GNAQ: variants seen among roughly 807,000 people sequenced by gnomAD.
GNAQ encodes the protein guanine nucleotide-binding protein G(q) subunit alpha.
GNAQ carries 8 observed loss-of-function variants against 43.9 expected under a neutral mutation model. The observed-to-expected ratio is 0.18, with a 90% CI of 0.11 to 0.33. The LOEUF (loss-of-function observed/expected upper bound fraction) is 0.33, where lower values mean the gene tolerates loss of function less well. Among genes scored for constraint, GNAQ ranks in the 10% least tolerant of loss-of-function variants. The pLI is 1.00. For missense variants in GNAQ, 158 were observed against 450.8 expected, an observed-to-expected ratio of 0.35 and a Z score of 5.88; for synonymous variants, 155 against 170.7, an observed-to-expected ratio of 0.91 and a Z score of 0.71.
intron 1 of GNAQ, among the ~76,000 whole-genome samples, chr9:77,979,369 ATT>A (rs1823341630): frequency 1.4e-5 from 2 of 146,108 alleles, no homozygotes; most frequent in South Asian, 2.2e-4. Context: ...AAAAAAAAAA[ATT>A]AAATTAAATT....
chr9:77,837,846 A>AT (rs1202692843), intron 2 of GNAQ, among the ~76,000 whole-genome samples: 57 of 103,194 alleles, frequency 5.5e-4, no homozygotes, highest in Non-Finnish European at 1.0e-3. Flanking sequence ...GAGTGATTTA[A>AT]ATTTTTTTTT....
Position 77,952,234 on chromosome 9 carries a change from A to G in GNAQ, c.137-29889T>C, listed in dbSNP as rs142059210. Among the ~76,000 whole-genome samples the G allele has an allele frequency of 2.6e-5, 4 of 152,354 alleles. No individual in the cohort carries two copies. In the East Asian group the frequency reaches 7.7e-4, roughly 29 times the overall value. On this transcript the variant is annotated intron_variant, in intron 1 of 6. Transcript: ENST00000286548. Reference sequence around the variant, plus strand: ...ACTCAGTTTTTATATTTAAAATAACATTGTTGCTGTTGTTGTTGTTCTAAA... The same window carrying G: ...ACTCAGTTTTTATATTTAAAATAACGTTGTTGCTGTTGTTGTTGTTCTAAA...
chr9:77,929,414 T>C (rs948350252), intron 1 of GNAQ, among the ~76,000 whole-genome samples: 1 of 152,248 alleles, frequency 6.6e-6, no homozygotes, highest in African/African-American at 2.4e-5. Context: ...ACATTTTTTC[T>C]ATTAATAAAA....
chr9:77,990,233 T>C (rs1823492064), intron 1 of GNAQ, among the ~76,000 whole-genome samples: 1 of 152,232 alleles, frequency 6.6e-6, no homozygotes, highest in Admixed American at 6.5e-5. Flanking sequence ...TGTATTTCTT[T>C]CTTTAATTTT....
At chr9:77,796,498 A>T (rs931340879) in intron 4 of GNAQ, among the ~76,000 whole-genome samples, 4 of 152,216 alleles carry the variant, frequency 2.6e-5, no homozygotes, top group African/African-American at 9.6e-5. Context: ...ATTGCATAAT[A>T]AGAGATTGAA....
chr9:77,807,775 T>C (rs939778778), intron 3 of GNAQ, among the ~76,000 whole-genome samples: 1 of 152,188 alleles, frequency 6.6e-6, no homozygotes, highest in African/African-American at 2.4e-5. Context: ...TCTTCACCTC[T>C]AAGAGGGGTT....
chr9:78,013,467 C>T (rs1823799626), intron 1 of GNAQ, among the ~76,000 whole-genome samples: 1 of 151,976 alleles, frequency 6.6e-6, no homozygotes, highest in African/African-American at 2.4e-5. Flanking sequence ...TCCCCGCTCC[C>T]CCCACCCCAC....
At chr9:77,994,716 T>G (rs1276540704) in intron 1 of GNAQ, among the ~76,000 whole-genome samples, 1 of 152,244 alleles carries the variant, frequency 6.6e-6, no homozygotes, top group Non-Finnish European at 1.5e-5. Flanking sequence ...TTGCTGCCTC[T>G]GAGCTTACTT....
At chr9:77,815,988 T>C (rs576536880) in intron 2 of GNAQ, among the ~76,000 whole-genome samples, 6 of 152,260 alleles carry the variant, frequency 3.9e-5, no homozygotes, top group Non-Finnish European at 5.9e-5. Context: ...CTACTTAGAA[T>C]TGATTAGAGG....
intron 1 of GNAQ, among the ~76,000 whole-genome samples, chr9:78,010,706 T>C (rs147429097): frequency 3.3e-5 from 5 of 152,064 alleles, no homozygotes; most frequent in African/African-American, 1.2e-4. Flanking sequence ...AGAAAAACCT[T>C]ATCTACATTA....
chr9:77,775,065 A>C (rs1826286602), intron 5 of GNAQ, among the ~76,000 whole-genome samples: 1 of 152,204 alleles, frequency 6.6e-6, no homozygotes, highest in East Asian at 1.9e-4. Flanking sequence ...ATTTACATCA[A>C]TATATCATGA....
Position 77,788,068 on chromosome 9 carries a change from A to G in GNAQ, c.735+6395T>C, listed in dbSNP as rs1379875482. 2.0e-5 allele frequency among the ~76,000 whole-genome samples: 3 copies of G among 151,986 alleles called. No homozygotes were observed. The East Asian group carries it at 5.8e-4, about 29-fold the overall frequency. On this transcript the variant is annotated intron_variant, in intron 5 of 6. Coordinates refer to ENST00000286548, the MANE Select transcript of GNAQ (RefSeq NM_002072.5). ...CAAGACAAAACAAAACACACCCAAA[A>G]CCCTTCTGCAAAATAAACAAAATGA...
At chr9:77,862,677 T>C (rs1413543597) in intron 2 of GNAQ, among the ~76,000 whole-genome samples, 1 of 152,198 alleles carries the variant, frequency 6.6e-6, no homozygotes, top group Non-Finnish European at 1.5e-5. Flanking sequence ...CTGGAAACAT[T>C]TTCCCTATTG....
At chr9:77,855,697 A>C (rs1175849345) in intron 2 of GNAQ, among the ~76,000 whole-genome samples, 2 of 152,128 alleles carry the variant, frequency 1.3e-5, no homozygotes, top group Non-Finnish European at 2.9e-5. Flanking sequence ...AAAGATGCTG[A>C]GATTTAATTT....
chr9:77,764,706 T>C (rs1826107561), intron 5 of GNAQ, among the ~76,000 whole-genome samples: 1 of 152,104 alleles, frequency 6.6e-6, no homozygotes, highest in Non-Finnish European at 1.5e-5. Context: ...CCGCCAGCCT[T>C]GGCCTCCTAA....
At chr9:77,779,572 A>C (rs1396093047) in intron 5 of GNAQ, among the ~76,000 whole-genome samples, 1 of 151,530 alleles carries the variant, frequency 6.6e-6, no homozygotes, top group East Asian at 1.9e-4. Context: ...GCAGAAATCT[A>C]TGAAATTGAA....
chr9:77,981,596 A>G (rs1823369163), intron 1 of GNAQ, among the ~76,000 whole-genome samples: 2 of 152,284 alleles, frequency 1.3e-5, no homozygotes, highest in South Asian at 4.1e-4. Flanking sequence ...TGTATACTCT[A>G]TTTTGCATGC....
At chr9:77,781,021 T>TG (rs1826386010) in intron 5 of GNAQ, among the ~76,000 whole-genome samples, 1 of 151,668 alleles carries the variant, frequency 6.6e-6, no homozygotes, top group Non-Finnish European at 1.5e-5. Context: ...ATTAACCCCC[T>TG]GTTGGATGAA....
chr9:77,878,225 G>GTTTT (rs373943232), intron 2 of GNAQ, among the ~76,000 whole-genome samples: 1 of 126,298 alleles, frequency 7.9e-6, no homozygotes, highest in African/African-American at 2.8e-5. Context: ...GGTATTTGGT[G>GTTTT]TTTTTTTTTT....
Sources: allele counts gnomAD v4.1 joint callset (sites outside exome capture counted in the v4.1 genomes callset), GRCh38; gene constraint gnomAD v4.1.1; transcripts MANE v1.5; gene names NCBI Gene and HGNC (gene_info 2026-07-23, HGNC 2026-07-21).